Variants in PTH2R observed in about 807,000 individuals in gnomAD.
PTH2R encodes the protein PTH2 receptor.
In PTH2R, 59 loss-of-function variants were observed where a neutral mutation model predicts 60.3. That is an observed-to-expected ratio of 0.98 (90% confidence interval 0.79 to 1.22). The LOEUF is 1.22. PTH2R is among the 50% of genes most tolerant of loss of function. The pLI is 0.00. For missense variants in PTH2R, 749 were observed against 682.6 expected (o/e 1.10, Z -1.08); for synonymous variants, 256 against 243.8 (o/e 1.05, Z -0.47).
At chr2:208,489,372 G>A (rs1182214310) in intron 11 of PTH2R, among the ~76,000 whole-genome samples, 3 of 151,978 alleles carry the variant, frequency 2.0e-5, no homozygotes, top group Non-Finnish European at 2.9e-5. Context: ...GGAGCTGTTC[G>A]TCACACAAAA....
chr2:208,383,061 C>G (rs1179793503), intron 1 of PTH2R, among the ~76,000 whole-genome samples: 1 of 152,240 alleles, frequency 6.6e-6, no homozygotes, highest in Non-Finnish European at 1.5e-5. Context: ...GCAGATCTAG[C>G]CATAGCCCAA....
chr2:208,378,116 A>G (rs969217131), intron 1 of PTH2R, among the ~76,000 whole-genome samples: 11 of 152,010 alleles, frequency 7.2e-5, no homozygotes, highest in Non-Finnish European at 1.2e-4. Flanking sequence ...TCCGTCTGCA[A>G]TCCCGGCACC....
intron 2 of PTH2R, among the ~76,000 whole-genome samples, chr2:208,432,741 G>C (rs1178590446): frequency 6.6e-6 from 1 of 152,194 alleles, no homozygotes; most frequent in Non-Finnish European, 1.5e-5. Flanking sequence ...GTAAGTCCAA[G>C]AGTCCAAAGG....
chr2:208,453,201 A>G (rs1446189163), intron 8 of PTH2R, among the ~76,000 whole-genome samples: 4 of 152,204 alleles, frequency 2.6e-5, no homozygotes, highest in African/African-American at 7.2e-5. Context: ...ATCACCTACC[A>G]TTAACTTTTC....
intron 9 of PTH2R, among the ~76,000 whole-genome samples, chr2:208,470,866 G>A (rs1167795216): frequency 6.6e-6 from 1 of 152,158 alleles, no homozygotes; most frequent in Non-Finnish European, 1.5e-5. Context: ...TTGTTGAATG[G>A]CTTTGACCAA....
intron 1 of PTH2R, among the ~76,000 whole-genome samples, chr2:208,365,924 A>G (rs1180345082): frequency 1.3e-5 from 1 of 75,254 alleles, no homozygotes; most frequent in Non-Finnish European, 2.4e-5. Context: ...ATAATATAAT[A>G]GATAAATATA....
At position 208,493,404 on chromosome 2, in the gene PTH2R, G is replaced by A. The variant is rs755036202; in HGVS notation, c.1398G>A (p.Ala466=). The A allele has an allele frequency of 6.5e-5, 104 of 1,609,304 alleles. 3 individuals carry two copies. In the South Asian group the frequency reaches 1.1e-3, roughly 17 times the overall value. Residue 466 remains alanine (A), a synonymous_variant, in exon 13 of 13, where the codon GCG becomes GCA. Transcript: ENST00000272847. ...THSTSSQSQV[A]ASTRMVLISG... ...GCACCAGCAGCCAGTCACAGGTGGC[G>A]GCCAGCACACGCATGGTGCTTATCT...
rs149735632 is a variant in PTH2R at position 208,434,805 on chromosome 2, A to T, written c.179-2732A>T. Among the ~76,000 whole-genome samples, 18 of 152,264 alleles carry T rather than the reference A, an allele frequency of 1.2e-4. No individual in the cohort carries two copies. The East Asian group carries it at 3.5e-3, about 29-fold the overall frequency. ...CTGTTGAGGGCAAAGTTGTTGGGAG[A>T]GGTGGAGTCATTACATTCTGTATAA... is the stretch of plus-strand genomic sequence containing the variant. On this transcript the variant is annotated intron_variant, in intron 2 of 12. Transcript: ENST00000272847.
At chr2:208,486,374 G>A (rs565636458) in intron 10 of PTH2R, among the ~76,000 whole-genome samples, 2 of 152,242 alleles carry the variant, frequency 1.3e-5, no homozygotes, top group South Asian at 4.2e-4. Context: ...ACTACATTTT[G>A]GTTGCCTAAA....
intron 1 of PTH2R, among the ~76,000 whole-genome samples, chr2:208,411,937 G>A (rs1202741217): frequency 6.6e-6 from 1 of 152,064 alleles, no homozygotes; most frequent in African/African-American, 2.4e-5. Flanking sequence ...TCTTTTATTA[G>A]CAGATGAGTT....
At chr2:208,474,767 C>A (rs1212731104) in intron 9 of PTH2R, among the ~76,000 whole-genome samples, 2 of 152,146 alleles carry the variant, frequency 1.3e-5, no homozygotes, top group African/African-American at 4.8e-5. Flanking sequence ...AAAAAGAAAA[C>A]TCTAGAGGTG....
chr2:208,362,862 G>GTGTA (rs1289838273), intron 1 of PTH2R, among the ~76,000 whole-genome samples: 1,775 of 140,032 alleles, frequency 0.013, 35 homozygotes, highest in African/African-American at 0.043. Flanking sequence ...GTGTGTGTGT[G>GTGTA]TTTAATGGCT....
At chr2:208,451,016 C>A (rs1041631410) in intron 8 of PTH2R, among the ~76,000 whole-genome samples, 1 of 151,998 alleles carries the variant, frequency 6.6e-6, no homozygotes, top group African/African-American at 2.4e-5. Context: ...CACTCGCAGA[C>A]TAGATGAAGG....
intron 2 of PTH2R, among the ~76,000 whole-genome samples, chr2:208,429,486 C>T (rs574430395): frequency 1.3e-5 from 2 of 152,160 alleles, no homozygotes; most frequent in East Asian, 1.9e-4. Flanking sequence ...CTCTAGGATA[C>T]TTGTCCTTCA....
At chr2:208,433,000 T>C (rs1209377865) in intron 2 of PTH2R, among the ~76,000 whole-genome samples, 1 of 152,108 alleles carries the variant, frequency 6.6e-6, no homozygotes, top group African/African-American at 2.4e-5. Flanking sequence ...TTGCCAACTA[T>C]CTAGGCATCT....
chr2:208,388,741 C>T (rs568607593), intron 1 of PTH2R, among the ~76,000 whole-genome samples: 4 of 152,296 alleles, frequency 2.6e-5, no homozygotes, highest in Non-Finnish European at 5.9e-5. Context: ...AGAAAACTGT[C>T]AAAGACTATG....
chr2:208,426,171 G>C (rs1489227908), intron 1 of PTH2R, among the ~76,000 whole-genome samples: 7 of 152,094 alleles, frequency 4.6e-5, no homozygotes, highest in Non-Finnish European at 7.4e-5. Flanking sequence ...TATAACTTTA[G>C]GGGCTTTTAA....
At chr2:208,445,556 CAT>C (rs1488149228) in intron 7 of PTH2R, among the ~76,000 whole-genome samples, 3 of 152,114 alleles carry the variant, frequency 2.0e-5, no homozygotes, top group African/African-American at 4.8e-5. Flanking sequence ...AATTAAAACT[CAT>C]ATGTGGTGAA....
Position 208,388,426 on chromosome 2 carries a change from G to T in PTH2R, c.-259+28189G>T, listed in dbSNP as rs144201048. ...CCAAAAAGGTCTAACCTTCGGTGAC[G>T]TTCCACACTATCCTTCAACACTACA... is the stretch of plus-strand genomic sequence containing the variant. On this transcript the variant is annotated intron_variant, in intron 1 of 12. Transcript: ENST00000617735. 2.6e-4 allele frequency among the ~76,000 whole-genome samples: 39 copies of T among 152,204 alleles called. 3 individuals are homozygous for T. In the East Asian group the frequency reaches 7.3e-3, roughly 29 times the overall value.
Sources: gnomAD v4.1 joint callset for allele counts (sites outside exome capture counted in the v4.1 genomes callset) on GRCh38, gnomAD v4.1.1 for gene constraint, MANE v1.5 for transcripts, NCBI Gene and HGNC (gene_info 2026-07-23, HGNC 2026-07-21) for gene names.